The following COBL variants were observed in gnomAD, a reference collection of about 807,000 sequenced individuals.
COBL encodes the protein protein cordon-bleu.
A neutral mutation model predicts 98.8 loss-of-function variants in COBL; 51 were observed. The ratio of observed to expected loss-of-function variants is 0.52; its 90% CI spans 0.41 to 0.65. The LOEUF (loss-of-function observed/expected upper bound fraction) is 0.65, where lower values mean the gene tolerates loss of function less well. Ranked by LOEUF, COBL falls within the 30% of genes least tolerant of loss-of-function variation. COBL has a pLI of 0.00. For synonymous variants in COBL, 634 were observed against 651.7 expected (o/e 0.97, Z 0.41); for missense variants, 1,617 against 1,617.5 (o/e 1.00, Z 0.01).
chr7:51,072,881 A>G (rs1018363279), intron 7 of COBL: 1 of 152,770 alleles, frequency 6.5e-6, no homozygotes, highest in African/African-American at 2.4e-5. Context: ...TAGTAACTAC[A>G]TTTATAGTTC....
intron 12 of COBL, chr7:51,020,876 G>A (rs972499028): frequency 2.6e-5 from 4 of 152,188 alleles, no homozygotes; most frequent in Admixed American, 1.3e-4. Flanking sequence ...AAATGGCAAC[G>A]TCACTGTTAA....
chr7:51,106,454 T>C (rs1796278907), intron 6 of COBL, among the ~76,000 whole-genome samples: 1 of 152,174 alleles, frequency 6.6e-6, no homozygotes. Flanking sequence ...CTAATTTAAG[T>C]GACATGTCGC....
intron 1 of COBL, among the ~76,000 whole-genome samples, chr7:51,235,939 A>C (rs904069219): frequency 6.6e-6 from 1 of 152,168 alleles, no homozygotes; most frequent in African/African-American, 2.4e-5. Context: ...CCAAGGCAGA[A>C]CACTTCAGCT....
intron 6 of COBL, among the ~76,000 whole-genome samples, chr7:51,115,059 A>AT (rs1562929965): frequency 6.6e-6 from 1 of 152,164 alleles, no homozygotes; most frequent in Admixed American, 6.5e-5. Flanking sequence ...GAATTTCTCC[A>AT]TTTCATCTAA....
rs142788164 is a variant in COBL, at chr7:51,122,269, G to A, written c.957+13889C>T. Among the ~76,000 whole-genome samples the A allele has an allele frequency of 2.5e-3, 387 of 152,330 alleles. 2 individuals are homozygous for A. The highest frequency in any genetic ancestry group is 8.8e-3 in the African/African-American group (366 of 41,574). On this transcript the variant is annotated intron_variant, in intron 6 of 12. Transcript: ENST00000265136. ...CAGCTTCCTTTCTCTGCACACTGGC[G>A]TTAGCTGCCCGGCTATTTCCACCAA... is the stretch of plus-strand genomic sequence containing the variant.
At chr7:51,053,781 G>T (rs1790461778) in intron 7 of COBL, among the ~76,000 whole-genome samples, 1 of 152,218 alleles carries the variant, frequency 6.6e-6, no homozygotes, top group Non-Finnish European at 1.5e-5. Flanking sequence ...TTGTGTCTCT[G>T]CTCCTCCTTC....
rs1181456166 is a variant in COBL at position 51,190,769 on chromosome 7, G to A, written c.685+81C>T. ...TCTCCCTGGCGCTACTGAGAGTGCT[G>A]GGGAGAGCCAACAGGGGACATGTAC... On this transcript the variant is annotated intron_variant, in intron 4 of 12. Transcript: ENST00000265136. 11 of 1,136,102 alleles carry A rather than the reference G, an allele frequency of 9.7e-6. No homozygotes were observed. The East Asian group carries it at 2.8e-4, about 28-fold the overall frequency. 70.4% of individuals were successfully genotyped at this position (1,136,102 alleles called of 1,614,324 possible).
chr7:51,313,095 A>C (rs1409504129), intron 1 of COBL, among the ~76,000 whole-genome samples: 3 of 152,236 alleles, frequency 2.0e-5, no homozygotes, highest in Non-Finnish European at 4.4e-5. Flanking sequence ...TATCTTTTAA[A>C]AATAATGCTC....
intron 1 of COBL, among the ~76,000 whole-genome samples, chr7:51,309,366 A>G (rs1802804679): frequency 6.6e-6 from 1 of 152,118 alleles, no homozygotes; most frequent in African/African-American, 2.4e-5. Flanking sequence ...GGAACGCTGC[A>G]CCCCAACACC....
At chr7:51,030,934 G>A (rs768146456) in intron 8 of COBL, 25 bp from the exon 9 acceptor site, 12 of 1,431,270 alleles carry the variant, frequency 8.4e-6, no homozygotes, top group Non-Finnish European at 1.1e-5. Flanking sequence ...AGAGAAAGGA[G>A]CACTCATTTC....
In COBL at chr7:51,050,639, T is replaced by C. The variant is rs148053429; in HGVS notation, c.1097-6947A>G. On this transcript the variant is annotated intron_variant, in intron 7 of 12. Transcript: ENST00000265136. ...GATGGTCCAATCGGGCTGGAATAAA[T>C]GGATTGGGTACAAGTTTTGGATAAA... 2.8e-3 allele frequency among the ~76,000 whole-genome samples: 426 copies of C among 152,318 alleles called. 3 individuals carry two copies. The highest frequency in any genetic ancestry group is 9.6e-3 in the African/African-American group (401 of 41,566).
chr7:51,107,156 G>A (rs551273148), intron 6 of COBL, among the ~76,000 whole-genome samples: 1 of 140,764 alleles, frequency 7.1e-6, no homozygotes, highest in South Asian at 2.3e-4. Flanking sequence ...CTGCAGTGGT[G>A]TGATCTTGGC....
intron 1 of COBL, among the ~76,000 whole-genome samples, chr7:51,276,968 T>C (rs1048799075): frequency 3.9e-5 from 6 of 152,116 alleles, no homozygotes; most frequent in South Asian, 2.1e-4. Flanking sequence ...GAGATGCATC[T>C]GGGAGCAGCG....
At chr7:51,113,317 T>C (rs1440810590) in intron 6 of COBL, among the ~76,000 whole-genome samples, 1 of 152,252 alleles carries the variant, frequency 6.6e-6, no homozygotes, top group Non-Finnish European at 1.5e-5. Context: ...CCAGGCTTAC[T>C]GTTCTATCAA....
At chr7:51,218,129 C>T (rs1321252727) in intron 2 of COBL, among the ~76,000 whole-genome samples, 1 of 152,222 alleles carries the variant, frequency 6.6e-6, no homozygotes, top group Non-Finnish European at 1.5e-5. Context: ...TCCCATGACT[C>T]AACAGTTCCA....
chr7:51,060,370 T>G (rs1388330505), intron 7 of COBL, among the ~76,000 whole-genome samples: 1 of 152,222 alleles, frequency 6.6e-6, no homozygotes, highest in Non-Finnish European at 1.5e-5. Flanking sequence ...CAGAGAGCAT[T>G]GCTTCTGATC....
intron 5 of COBL, among the ~76,000 whole-genome samples, chr7:51,183,397 G>A (rs778033895): frequency 9.9e-5 from 15 of 151,766 alleles, no homozygotes; most frequent in East Asian, 9.7e-4. Context: ...ATATAAATAC[G>A]GATAATGAGC....
At chr7:51,252,398 T>A (rs1164748567) in intron 1 of COBL, among the ~76,000 whole-genome samples, 1 of 152,158 alleles carries the variant, frequency 6.6e-6, no homozygotes, top group African/African-American at 2.4e-5. Flanking sequence ...TCCCCAGCCC[T>A]AGACAACCAC....
chr7:51,050,364 T>C (rs1200833091), intron 7 of COBL, among the ~76,000 whole-genome samples: 2 of 152,222 alleles, frequency 1.3e-5, no homozygotes, highest in East Asian at 3.9e-4. Context: ...AACACAGAGC[T>C]GTGTTCCAAC....
Sources: gnomAD v4.1 joint callset for allele counts (sites outside exome capture counted in the v4.1 genomes callset) on GRCh38, gnomAD v4.1.1 for gene constraint, MANE v1.5 for transcripts, NCBI Gene and HGNC (gene_info 2026-07-23, HGNC 2026-07-21) for gene names.